Variants in KLF17 observed in about 807,000 individuals in gnomAD.
KLF17 encodes KLF transcription factor 17, also known as Krueppel-like factor 17.
Under a neutral mutation model 34.2 loss-of-function variants are expected in KLF17, and 31 were observed. The observed-to-expected ratio is 0.91, with a 90% CI of 0.68 to 1.22. The LOEUF (loss-of-function observed/expected upper bound fraction) is 1.22, where lower values mean the gene tolerates loss of function less well. Ranked by LOEUF, KLF17 falls within the 50% of genes most tolerant of loss-of-function variation. KLF17 has a pLI of 0.00. For synonymous variants in KLF17, 179 were observed against 186.7 expected (o/e 0.96, Z 0.34); for missense variants, 478 against 505.2 (o/e 0.95, Z 0.52).
chr1:44,056,668 A>G, the KLF17 span, among the ~76,000 whole-genome samples: 1 of 152,210 alleles, frequency 6.6e-6, no homozygotes, highest in Non-Finnish European at 1.5e-5. Flanking sequence ...ATCCTAACTC[A>G]AAGGCCCGGG....
At chr1:44,089,610 C>T in the KLF17 span, among the ~76,000 whole-genome samples, 1 of 152,104 alleles carries the variant, frequency 6.6e-6, no homozygotes, top group African/African-American at 2.4e-5. Flanking sequence ...CTGGGCAGTG[C>T]GTCTCTGTGT....
the KLF17 span, among the ~76,000 whole-genome samples, chr1:44,112,834 G>T: frequency 6.6e-6 from 1 of 152,216 alleles, no homozygotes; most frequent in African/African-American, 2.4e-5. Context: ...GCATGAAAGA[G>T]ACTTATGTTC....
At chr1:44,100,766 G>A in the KLF17 span, among the ~76,000 whole-genome samples, 1 of 151,838 alleles carries the variant, frequency 6.6e-6, no homozygotes, top group Non-Finnish European at 1.5e-5. Flanking sequence ...AGCAATTCTT[G>A]TGTCTCAGCC....
At chr1:44,126,840 A>T (rs2429054) in intron 1 of KLF17, among the ~76,000 whole-genome samples, 151,651 of 151,738 alleles carry the variant, frequency 1, 75,782 homozygotes, top group Middle Eastern at 1. Flanking sequence ...CTAGAAAAAA[A>T]ATATATATTT....
chr1:44,127,970 A>G (rs1204511125), intron 1 of KLF17, among the ~76,000 whole-genome samples: 2 of 146,340 alleles, frequency 1.4e-5, no homozygotes, highest in African/African-American at 5.1e-5. Flanking sequence ...ATTTGAATGG[A>G]TTGTTCTTTT....
At chr1:44,117,786 C>T (rs188163247), upstream of KLF17, among the ~76,000 whole-genome samples, 11 of 152,294 alleles carry the variant, frequency 7.2e-5, no homozygotes, top group Admixed American at 5.2e-4. Context: ...TGAACCACTG[C>T]GCCCAGCCTC....
intron 1 of KLF17, among the ~76,000 whole-genome samples, chr1:44,121,647 A>G (rs888692910): frequency 6.6e-6 from 1 of 152,224 alleles, no homozygotes. Context: ...CCGATATATC[A>G]GATTGCTTCC....
Position 44,129,910 on chromosome 1 carries a change from C to G in KLF17, c.639C>G (p.Pro213=). The part of the protein sequence containing the change: ...AVLPSMAQML[P]PQDAHDLGMP... The stretch of plus-strand genomic sequence containing the variant: ...TCCCCTCCATGGCTCAGATGTTGCC[C>G]CCGCAAGATGCCCATGACCTTGGGA... Residue 213 remains proline, a synonymous_variant, in exon 2 of 4, where the codon CCC becomes CCG. Coordinates refer to ENST00000372299, the MANE Select transcript of KLF17 (RefSeq NM_173484.4). The G allele has an allele frequency of 1.2e-6, 2 of 1,614,188 alleles. No homozygotes were observed. Among genetic ancestry groups the G allele is most frequent in the Non-Finnish European group, 1.7e-6 (2 of 1,180,040 alleles).
rs1274167137 is a variant in KLF17 at position 44,133,692 on chromosome 1, C to T, written c.*455C>T. The T allele has an allele frequency of 6.6e-6, 1 of 152,338 alleles. No homozygotes were observed. The highest frequency in any genetic ancestry group is 2.4e-5 in the African/African-American group (1 of 41,456). The allele number at this position is 152,338 out of a possible 1,614,324, so 9.4% of individuals were successfully genotyped here. A position where few individuals can be genotyped will look rare whatever the true frequency, so the allele number is the denominator to read the frequency against. On this transcript the variant is annotated 3_prime_UTR_variant, in exon 4 of 4. Coordinates refer to ENST00000372299, the MANE Select transcript of KLF17 (RefSeq NM_173484.4). ...CCTATCTGGGCCTCTGGGGAAGCCCCACAGCCTTGGCTGTGCCTGCCCCTG... is the reference window on the plus strand; with the variant it reads ...CCTATCTGGGCCTCTGGGGAAGCCCTACAGCCTTGGCTGTGCCTGCCCCTG...
the KLF17 span, among the ~76,000 whole-genome samples, chr1:44,102,299 T>C: frequency 6.6e-6 from 1 of 151,990 alleles, no homozygotes; most frequent in Non-Finnish European, 1.5e-5. Context: ...TTTGGGAGGC[T>C]GAGGTGGGCA....
upstream of KLF17, among the ~76,000 whole-genome samples, chr1:44,117,832 C>T (rs535472436): frequency 1.3e-5 from 2 of 152,144 alleles, no homozygotes; most frequent in South Asian, 4.1e-4. Flanking sequence ...TCTCTGCACC[C>T]CTCTGGCCCT....
At chr1:44,080,447 C>T in the KLF17 span, among the ~76,000 whole-genome samples, 2 of 151,650 alleles carry the variant, frequency 1.3e-5, no homozygotes, top group African/African-American at 4.8e-5. Context: ...ACCATGTTAG[C>T]CAGTATGGTC....
upstream of KLF17, among the ~76,000 whole-genome samples, chr1:44,116,315 C>A (rs1411291958): frequency 3.3e-5 from 5 of 152,158 alleles, no homozygotes; most frequent in Non-Finnish European, 7.3e-5. Flanking sequence ...CTTCTTACCC[C>A]ACTTGTTATG....
chr1:44,120,322 A>C (rs780827367), intron 1 of KLF17, among the ~76,000 whole-genome samples: 12 of 152,224 alleles, frequency 7.9e-5, no homozygotes, highest in Non-Finnish European at 1.5e-4. Context: ...TTGGACTGTA[A>C]ACAGAAACAA....
intron 1 of KLF17, among the ~76,000 whole-genome samples, chr1:44,120,759 A>G (rs922125062): frequency 2.0e-5 from 3 of 152,224 alleles, no homozygotes; most frequent in Admixed American, 2.0e-4. Context: ...TGCCCACCCA[A>G]TAGTCATTTA....
At chr1:44,087,644 C>T in the KLF17 span, among the ~76,000 whole-genome samples, 1 of 148,316 alleles carries the variant, frequency 6.7e-6, no homozygotes, top group Non-Finnish European at 1.5e-5. Context: ...AGGCTTGTGA[C>T]ATCTGCCTTC....
the KLF17 span, among the ~76,000 whole-genome samples, chr1:44,066,495 G>A: frequency 1.3e-5 from 2 of 151,412 alleles, no homozygotes; most frequent in Non-Finnish European, 2.9e-5. Flanking sequence ...CAGAGTGCTG[G>A]GATTTCAGGA....
At chr1:44,069,512 G>GAGAGAGAGAGAGAGAGAGAGAGAGA in the KLF17 span, among the ~76,000 whole-genome samples, 1 of 114,546 alleles carries the variant, frequency 8.7e-6, no homozygotes, top group African/African-American at 4.1e-5. This position sits in a 1 kb window ranked among gnomAD's most constrained non-coding sequence, Gnocchi z 4.7. Flanking sequence ...GAGAGAGAGA[G>GAGAGAGAGAGAGAGAGAGAGAGAGA]AAGACAGGAG....
chr1:44,098,310 C>A, the KLF17 span, among the ~76,000 whole-genome samples: 7 of 151,886 alleles, frequency 4.6e-5, no homozygotes, highest in African/African-American at 1.7e-4. Context: ...TGTAATGTCT[C>A]CCTTTTCATC....
Sources: gnomAD v4.1 joint callset for allele counts (sites outside exome capture counted in the v4.1 genomes callset) on GRCh38, gnomAD v4.1.1 for gene constraint, Gnocchi (gnomAD v3.1) non-coding constraint, MANE v1.5 for transcripts, NCBI Gene and HGNC (gene_info 2026-07-23, HGNC 2026-07-21) for gene names.